LINGO2: variants seen among roughly 807,000 people sequenced by gnomAD.
The protein encoded by LINGO2 is leucine rich repeat and Ig domain containing 2, also known as leucine-rich repeat and immunoglobulin-like domain-containing nogo receptor-interacting protein 2.
A neutral mutation model predicts 30.6 loss-of-function variants in LINGO2; 14 were observed. The ratio of observed to expected loss-of-function variants is 0.46; its 90% CI spans 0.30 to 0.72. LINGO2 has a LOEUF of 0.72. Ranked by LOEUF, LINGO2 falls within the 30% of genes least tolerant of loss-of-function variation. The pLI, the probability that LINGO2 is intolerant of heterozygous loss-of-function variation, is 0.07. For missense variants in LINGO2, 729 were observed against 751.7 expected (o/e 0.97, Z 0.35); for synonymous variants, 317 against 288.5 (o/e 1.10, Z -1.00).
intron 4 of LINGO2, among the ~76,000 whole-genome samples, chr9:28,269,580 T>C (rs1476512643): frequency 6.6e-6 from 1 of 152,140 alleles, no homozygotes; most frequent in African/African-American, 2.4e-5. Context: ...TCTCAAGCTT[T>C]ATACTATGAC....
intron 2 of LINGO2, among the ~76,000 whole-genome samples, chr9:28,471,238 G>A (rs1288462437): frequency 6.6e-6 from 1 of 152,162 alleles, no homozygotes. Flanking sequence ...TGAAGGCTGG[G>A]AGGTCCAAGT....
At chr9:29,055,949 C>CATATAT in the LINGO2 span, among the ~76,000 whole-genome samples, 146 of 123,164 alleles carry the variant, frequency 1.2e-3, 3 homozygotes, top group African/African-American at 3.4e-3. Context: ...TGTATATATA[C>CATATAT]ATATATATGT....
At chr9:28,767,175 T>C in the LINGO2 span, among the ~76,000 whole-genome samples, 1,019 of 152,294 alleles carry the variant, frequency 6.7e-3, 8 homozygotes, top group Middle Eastern at 0.034. Context: ...ATGTACAGCA[T>C]GATGAGTATA....
chr9:28,864,133 T>C, the LINGO2 span, among the ~76,000 whole-genome samples: 1,211 of 152,184 alleles, frequency 8.0e-3, 22 homozygotes, highest in African/African-American at 0.028. Flanking sequence ...TCTAAAGATA[T>C]CCTCAGTTAC....
chr9:28,435,646 C>T (rs1350472119), intron 2 of LINGO2, among the ~76,000 whole-genome samples: 1 of 152,162 alleles, frequency 6.6e-6, no homozygotes, highest in Non-Finnish European at 1.5e-5. Flanking sequence ...ACACATTTGT[C>T]CCATGATCTT....
At chr9:28,568,473 C>A (rs1823506558) in intron 1 of LINGO2, among the ~76,000 whole-genome samples, 1 of 151,896 alleles carries the variant, frequency 6.6e-6, no homozygotes, top group Non-Finnish European at 1.5e-5. Context: ...ATTGCTGAAC[C>A]TAAAAGAAAG....
At chr9:29,170,042 A>G in the LINGO2 span, among the ~76,000 whole-genome samples, 1 of 152,092 alleles carries the variant, frequency 6.6e-6, no homozygotes, top group Non-Finnish European at 1.5e-5. Flanking sequence ...AACAGTATGG[A>G]GATTTCTCAA....
rs888689425 is a variant in LINGO2 at position 28,214,488 on chromosome 9, G to A, written c.-87+80720C>T. ...TATCTTTAGAGAAAAATCTTAGAAT[G>A]TGTTTCAGAAAAGTCCCTCAGGGAG... On this transcript the variant is annotated intron_variant, in intron 4 of 5. Coordinates refer to ENST00000379992, the Ensembl canonical transcript of LINGO2. 2.0e-5 allele frequency among the ~76,000 whole-genome samples: 3 copies of A among 151,520 alleles called. No homozygotes were observed. In the East Asian group the frequency reaches 5.8e-4, roughly 29 times the overall value.
intron 3 of LINGO2, among the ~76,000 whole-genome samples, chr9:28,362,204 TTGTG>T (rs112576497): frequency 0.046 from 5,828 of 125,722 alleles, 209 homozygotes; most frequent in East Asian, 0.15. Context: ...ATGGTGTAAA[TTGTG>T]TGTGTATGTG....
At chr9:28,211,541 A>C (rs1311576280) in intron 4 of LINGO2, among the ~76,000 whole-genome samples, 1 of 151,422 alleles carries the variant, frequency 6.6e-6, no homozygotes, top group East Asian at 1.9e-4. Flanking sequence ...GGAGCTGCTA[A>C]TTTGATTACT....
intron 4 of LINGO2, among the ~76,000 whole-genome samples, chr9:28,128,663 T>C (rs1156447005): frequency 6.6e-6 from 1 of 152,174 alleles, no homozygotes; most frequent in Non-Finnish European, 1.5e-5. Flanking sequence ...TCTTTTGGAC[T>C]CAACTTCTCT....
At chr9:27,972,603 A>G (rs988005610) in intron 5 of LINGO2, among the ~76,000 whole-genome samples, 1 of 152,102 alleles carries the variant, frequency 6.6e-6, no homozygotes, top group African/African-American at 2.4e-5. Context: ...TCCCAGGTCT[A>G]TTTACTGTAA....
chr9:28,809,745 CAAAAAAA>C, the LINGO2 span, among the ~76,000 whole-genome samples: 3 of 96,492 alleles, frequency 3.1e-5, no homozygotes, highest in African/African-American at 8.4e-5. Flanking sequence ...GACTCTGTCT[CAAAAAAA>C]AAAAAAAAAA....
chr9:28,397,564 T>TG (rs1822101362), intron 2 of LINGO2, among the ~76,000 whole-genome samples: 1 of 147,710 alleles, frequency 6.8e-6, no homozygotes, highest in Non-Finnish European at 1.5e-5. Flanking sequence ...TTTTTTTTTT[T>TG]TGAGACGGAG....
rs537191017 is a variant in LINGO2, at chr9:28,437,582, C to T, written c.-279+38358G>A. On this transcript the variant is annotated intron_variant, in intron 2 of 5. Transcript: ENST00000379992. ...ACACACACACACACACACACAGACG[C>T]GCACACACACCCACACACACACATA... Among the ~76,000 whole-genome samples the T allele has an allele frequency of 3.4e-3, 502 of 148,450 alleles. 4 individuals are homozygous for T. The highest frequency in any genetic ancestry group is 0.012 in the African/African-American group (454 of 38,916).
the LINGO2 span, among the ~76,000 whole-genome samples, chr9:28,773,969 A>G: frequency 6.6e-6 from 1 of 152,084 alleles, no homozygotes; most frequent in African/African-American, 2.4e-5. Flanking sequence ...TGTAAATATA[A>G]GCAAGGTTAA....
chr9:28,403,989 CT>C (rs1442259725), intron 2 of LINGO2, among the ~76,000 whole-genome samples: 1 of 151,946 alleles, frequency 6.6e-6, no homozygotes, highest in Non-Finnish European at 1.5e-5. Context: ...CTCTCTAATT[CT>C]GTCTTTACCT....
At chr9:29,189,156 A>C in the LINGO2 span, among the ~76,000 whole-genome samples, 1 of 118,550 alleles carries the variant, frequency 8.4e-6, no homozygotes, top group Non-Finnish European at 1.7e-5. Context: ...TGACCCCCCC[A>C]CCTCCCTCCT....
chr9:28,439,628 G>T (rs1375974241), intron 2 of LINGO2, among the ~76,000 whole-genome samples: 1 of 152,008 alleles, frequency 6.6e-6, no homozygotes, highest in Non-Finnish European at 1.5e-5. Context: ...TCATCCTCCT[G>T]CTCCAGTCAT....
Sources: allele counts gnomAD v4.1 joint callset (sites outside exome capture counted in the v4.1 genomes callset), GRCh38; gene constraint gnomAD v4.1.1; transcripts MANE v1.5; gene names NCBI Gene and HGNC (gene_info 2026-07-23, HGNC 2026-07-21).